FAT1: variants seen among roughly 807,000 people sequenced by gnomAD.
FAT1 encodes the protein protocadherin Fat 1.
In FAT1, 171 loss-of-function variants were observed where a neutral mutation model predicts 329.8. The ratio of observed to expected loss-of-function variants is 0.52; its 90% CI spans 0.46 to 0.59. The LOEUF (loss-of-function observed/expected upper bound fraction) is 0.59. Ranked by LOEUF, FAT1 falls within the 20% of genes least tolerant of loss-of-function variation. The pLI, the probability that FAT1 is intolerant of heterozygous loss-of-function variation, is 0.00. For missense variants in FAT1, 5,672 were observed against 5,774.4 expected, an observed-to-expected ratio of 0.98 and a Z score of 0.57; for synonymous variants, 2,233 against 2,228.6, an observed-to-expected ratio of 1.00 and a Z score of -0.06.
chr4:186,718,586 G>C (rs538953839), intron 1 of FAT1, among the ~76,000 whole-genome samples: 2 of 152,302 alleles, frequency 1.3e-5, no homozygotes, highest in East Asian at 1.9e-4. Flanking sequence ...AGAATCGCTT[G>C]AACCCGGGAG....
intron 2 of FAT1, among the ~76,000 whole-genome samples, chr4:186,687,414 T>C (rs1422149925): frequency 6.7e-6 from 1 of 148,928 alleles, no homozygotes; most frequent in Non-Finnish European, 1.5e-5. Flanking sequence ...AAAGAACAGC[T>C]TTTAAAAATT....
Position 186,633,794 on chromosome 4 carries a change from C to T in FAT1, c.4213G>A (p.Asp1405Asn), listed in dbSNP as rs1193354510. The T allele has an allele frequency of 6.2e-7, 1 of 1,613,942 alleles. No homozygotes were observed. The highest frequency in any genetic ancestry group is 2.2e-5 in the East Asian group (1 of 44,882). ...ACAATGATGGTTCCAGTTCCCTTGTCCACATCGAAGTGACTGTCGTAGTTG... is the reference window on the plus strand; with the variant it reads ...ACAATGATGGTTCCAGTTCCCTTGTTCACATCGAAGTGACTGTCGTAGTTG... Reference protein sequence around the residue: ...GGNYDSHFDVDKGTGTIIVAK... With the variant: ...GGNYDSHFDVNKGTGTIIVAK... Residue 1405 changes from aspartate to asparagine, a missense_variant, in exon 7 of 27, where the codon GAC (aspartate) becomes AAC (asparagine). Physicochemically the swap from Asp to Asn is conservative, Grantham distance 23. This residue lies in a region of FAT1 where 3,966 missense variants were observed against 3,915.2 expected (regional missense o/e 1.01). Transcript: ENST00000441802.
chr4:186,604,673 A>G, intron 17 of FAT1, 99 bp from the exon 18 acceptor site: 1 of 745,006 alleles, frequency 1.3e-6, no homozygotes, highest in Non-Finnish European at 2.1e-6. Context: ...AAATACATAC[A>G]AAACAAAGCC....
In FAT1 at chr4:186,636,849, A is replaced by G; in HGVS notation, c.3708T>C (p.Leu1236=). Residue 1236 remains leucine (L), a synonymous_variant, in exon 5 of 27, where the codon CTT becomes CTC. Coordinates refer to ENST00000441802, the MANE Select transcript of FAT1 (RefSeq NM_005245.4). ...ACTGAGGTTTGTTGTCATTTTCATC[A>G]AGGATTTTCACAATGACTCTTGCAA... ...STIARVIVKI[L]DENDNKPQFL... 6.2e-7 allele frequency: 1 copy of G among 1,613,980 alleles called. No homozygotes were observed. Among genetic ancestry groups the G allele is most frequent in the East Asian group, 2.2e-5 (1 of 44,882 alleles).
At chr4:186,638,418 C>T (rs552372417) in intron 4 of FAT1, among the ~76,000 whole-genome samples, 1 of 152,284 alleles carries the variant, frequency 6.6e-6, no homozygotes, top group South Asian at 2.1e-4. Flanking sequence ...TCAGTGACTG[C>T]ATTTGCCCCT....
rs763371390 is a variant in FAT1 at position 186,617,697 on chromosome 4, ATTTT to A, written c.8878+7_8878+10del. 1.3e-6 allele frequency: 2 copies of A among 1,536,490 alleles called. No homozygotes were observed. The highest frequency in any genetic ancestry group is 1.8e-6 in the Non-Finnish European group (2 of 1,141,426). The stretch of plus-strand genomic sequence containing the variant: ...AAATTAATTAAACCGTTTGGTATGA[ATTTT>A]TTTTACCTGTTATGAAATATGTAAC... On this transcript the variant is annotated splice_region_variant and intron_variant, in intron 10 of 26. Coordinates refer to ENST00000441802, the MANE Select transcript of FAT1 (RefSeq NM_005245.4).
chr4:186,590,021 G>A (rs1020341985), intron 26 of FAT1, among the ~76,000 whole-genome samples: 2 of 151,964 alleles, frequency 1.3e-5, no homozygotes, highest in Non-Finnish European at 2.9e-5. Context: ...TTGAACAAGC[G>A]TTGCAAGATT....
chr4:186,589,864 T>C (rs1255248171), intron 26 of FAT1, among the ~76,000 whole-genome samples: 1 of 152,166 alleles, frequency 6.6e-6, no homozygotes, highest in East Asian at 1.9e-4. Context: ...AAAGTAACCT[T>C]TAACATGCTA....
At chr4:186,712,028 G>A (rs905383894) in intron 1 of FAT1, among the ~76,000 whole-genome samples, 3 of 152,152 alleles carry the variant, frequency 2.0e-5, no homozygotes, top group African/African-American at 7.2e-5. Context: ...ATCATCCATT[G>A]TACAACAAAA....
At chr4:186,609,049 G>C (rs2126456079) in intron 16 of FAT1, 134 bp downstream of exon 16, 1 of 819,116 alleles carries the variant, frequency 1.2e-6, no homozygotes, top group South Asian at 1.9e-5. Flanking sequence ...TGCTTTTCGA[G>C]TGTTTACATG....
Position 186,596,690 on chromosome 4 carries a change from A to G in FAT1, c.12850T>C (p.Phe4284Leu), listed in dbSNP as rs1293473029. The G allele has an allele frequency of 1.2e-6, 2 of 1,613,314 alleles. No individual in the cohort carries two copies. The highest frequency in any genetic ancestry group is 2.7e-5 in the African/African-American group (2 of 74,908). Residue 4284 changes from phenylalanine to leucine, a missense_variant, in exon 25 of 27, where the codon TTC (phenylalanine) becomes CTC (leucine). By Grantham distance (22) the Phe-to-Leu change is conservative (BLOSUM62 0). This residue lies in a region of FAT1 where 1,706 missense variants were observed against 1,859.1 expected (regional missense o/e 0.92). Coordinates refer to ENST00000441802, the MANE Select transcript of FAT1 (RefSeq NM_005245.4). This position sits in a 1 kb window ranked among gnomAD's most constrained non-coding sequence, Gnocchi z 4.7. Reference protein sequence around the residue: ...EGSAIPEHPEFSTFNPESVHG... With the variant: ...EGSAIPEHPELSTFNPESVHG... ...ACAGACTCGGGGTTAAAAGTGCTGA[A>G]TTCGGGATGCTCTGGGATAGCAGAT... is the stretch of plus-strand genomic sequence containing the variant.
chr4:186,672,729 A>G (rs924011691), intron 2 of FAT1, among the ~76,000 whole-genome samples: 6 of 152,222 alleles, frequency 3.9e-5, no homozygotes, highest in Non-Finnish European at 8.8e-5. Context: ...CACACAGTCC[A>G]TTAGTGGGGA....
chr4:186,710,703 G>T (rs554637875), intron 1 of FAT1, among the ~76,000 whole-genome samples: 1 of 152,172 alleles, frequency 6.6e-6, no homozygotes, highest in South Asian at 2.1e-4. Context: ...TATCTTCAGG[G>T]CATCGAACAA....
chr4:186,684,324 C>A (rs749619176), intron 2 of FAT1, among the ~76,000 whole-genome samples: 4 of 152,162 alleles, frequency 2.6e-5, no homozygotes, highest in Non-Finnish European at 5.9e-5. Flanking sequence ...GGTCTCACTG[C>A]ACAGTTATAG....
chr4:186,597,741 T>C lies in FAT1; in HGVS notation c.12309A>G (p.Thr4103=), dbSNP rs969118045. 1.1e-5 allele frequency: 18 copies of C among 1,613,852 alleles called. No homozygotes were observed. The highest frequency in any genetic ancestry group is 1.5e-5 in the Non-Finnish European group (18 of 1,179,898). Residue 4103 remains threonine, a synonymous_variant, in exon 24 of 27, where the codon ACA becomes ACG. Transcript: ENST00000441802. Reference sequence around the variant, plus strand: ...CGGCGCCATCCAAACTGTCAAAGCATGTTCCGCCATTCTTACAGGGTTCAT... The same window carrying C: ...CGGCGCCATCCAAACTGTCAAAGCACGTTCCGCCATTCTTACAGGGTTCAT... ...CKDEPCKNGG[T]CFDSLDGAVC...
rs199641987 is a variant in FAT1, at chr4:186,618,453, T to G, written c.8133A>C (p.Thr2711=). 4.3e-6 allele frequency: 7 copies of G among 1,614,060 alleles called. No individual in the cohort carries two copies. Among genetic ancestry groups the G allele is most frequent in the Non-Finnish European group, 5.9e-6 (7 of 1,179,910 alleles). The change falls in exon 10 of 27, where the codon ACA becomes ACC. Residue 2711 remains threonine, a synonymous_variant. Coordinates refer to ENST00000441802, the MANE Select transcript of FAT1 (RefSeq NM_005245.4). ...TTCCAATAGGCACGTCCTCTGACAC[T>G]GTAAAGGTATAGAAAGGTTCTGAAA... ...PKFSEPFYTF[T]VSEDVPIGTE...
chr4:186,714,536 G>A (rs1745118757), intron 1 of FAT1, among the ~76,000 whole-genome samples: 1 of 152,036 alleles, frequency 6.6e-6, no homozygotes, highest in South Asian at 2.1e-4. Context: ...AAATATGAAA[G>A]ACGGTATTTA....
Position 186,708,260 on chromosome 4 carries a change from T to C in FAT1, c.1568A>G (p.Glu523Gly), listed in dbSNP as rs769203725. 1 of 1,614,006 alleles carries C rather than the reference T, an allele frequency of 6.2e-7. No homozygotes were observed. The highest frequency in any genetic ancestry group is 1.3e-5 in the African/African-American group (1 of 75,052). ...DHFTGAVSTS[E>G]NLDYELMPRV... The stretch of plus-strand genomic sequence containing the variant: ...AGGCATCAGTTCGTAGTCCAGGTTT[T>C]CTGACGTACTCACGGCACCAGTGAA... Residue 523 changes from glutamate (E) to glycine (G), a missense_variant, in exon 2 of 27, where the codon GAA (glutamate) becomes GGA (glycine). Physicochemically the swap from Glu to Gly is moderately conservative, Grantham distance 98 (BLOSUM62 -2). Around this residue, in one of 2 missense-constraint regions of FAT1, gnomAD observed 3,966 missense variants for 3,915.2 expected, o/e 1.01. Coordinates refer to ENST00000441802, the MANE Select transcript of FAT1 (RefSeq NM_005245.4).
At chr4:186,645,968 T>TACACAC (rs371987938) in intron 3 of FAT1, among the ~76,000 whole-genome samples, 3,454 of 105,148 alleles carry the variant, frequency 0.033, 155 homozygotes, top group Non-Finnish European at 0.037. Flanking sequence ...AAAAAATATA[T>TACACAC]ACACACACAC....
Sources: gnomAD v4.1 joint callset for allele counts (sites outside exome capture counted in the v4.1 genomes callset) on GRCh38, gnomAD v4.1.1 for gene constraint, gnomAD v4.1.1 regional missense constraint, Gnocchi (gnomAD v3.1) non-coding constraint, MANE v1.5 for transcripts, NCBI Gene and HGNC (gene_info 2026-07-23, HGNC 2026-07-21) for gene names.